The following EPB41L5 variants were observed in gnomAD, a reference collection of about 807,000 sequenced individuals.
EPB41L5 encodes the protein erythrocyte membrane protein band 4.1 like 5.
A neutral mutation model predicts 106.6 loss-of-function variants in EPB41L5; 55 were observed. The ratio of observed to expected loss-of-function variants is 0.52; its 90% confidence interval spans 0.42 to 0.65. The LOEUF is 0.65. Ranked by LOEUF, EPB41L5 falls within the 30% of genes least tolerant of loss-of-function variation. The pLI, the probability that EPB41L5 is intolerant of heterozygous loss-of-function variation, is 0.00. For synonymous variants in EPB41L5, 297 were observed against 306.7 expected (o/e 0.97, Z 0.33); for missense variants, 871 against 882.1 (o/e 0.99, Z 0.16).
intron 16 of EPB41L5, among the ~76,000 whole-genome samples, chr2:120,123,254 T>G (rs1161254261): frequency 6.6e-6 from 1 of 152,162 alleles, no homozygotes; most frequent in Non-Finnish European, 1.5e-5. Flanking sequence ...AAGTAGTGCA[T>G]CTGACTGTTG....
intron 18 of EPB41L5, among the ~76,000 whole-genome samples, chr2:120,132,366 C>T (rs1259415460): frequency 6.6e-6 from 1 of 151,848 alleles, no homozygotes; most frequent in African/African-American, 2.4e-5. Context: ...CCTTTTTTTT[C>T]CCTCTACATA....
chr2:120,018,194 C>T (rs1368289000), intron 1 of EPB41L5, among the ~76,000 whole-genome samples: 1 of 151,910 alleles, frequency 6.6e-6, no homozygotes, highest in Non-Finnish European at 1.5e-5. Context: ...GTCTCGATCT[C>T]CTGACCTCGT....
intron 3 of EPB41L5, among the ~76,000 whole-genome samples, chr2:120,055,145 G>A (rs1680561646): frequency 6.6e-6 from 1 of 152,066 alleles, no homozygotes; most frequent in Non-Finnish European, 1.5e-5. Context: ...TTATAGGCGT[G>A]AGCCACCATG....
chr2:120,110,818 T>C (rs1684694337), intron 16 of EPB41L5, among the ~76,000 whole-genome samples: 1 of 151,920 alleles, frequency 6.6e-6, no homozygotes, highest in Non-Finnish European at 1.5e-5. Context: ...TATTTTTTAG[T>C]AGAAACGGGG....
intron 22 of EPB41L5, among the ~76,000 whole-genome samples, chr2:120,165,416 C>T (rs566623452): frequency 2.6e-5 from 4 of 152,188 alleles, no homozygotes; most frequent in East Asian, 1.9e-4. Flanking sequence ...CTACACATAT[C>T]CTCTAGTATA....
intron 2 of EPB41L5, among the ~76,000 whole-genome samples, chr2:120,030,564 A>G (rs549092868): frequency 1.4e-4 from 22 of 152,150 alleles, no homozygotes; most frequent in African/African-American, 5.3e-4. Context: ...TCTTTATTTT[A>G]TTTTATTGAG....
At chr2:120,157,909 A>G (rs184918016) in intron 20 of EPB41L5, among the ~76,000 whole-genome samples, 5 of 152,272 alleles carry the variant, frequency 3.3e-5, no homozygotes, top group African/African-American at 1.2e-4. Context: ...AGAAACAACA[A>G]AGGGGATATT....
chr2:120,071,971 C>CT (rs1681901227), intron 3 of EPB41L5, among the ~76,000 whole-genome samples: 1 of 152,116 alleles, frequency 6.6e-6, no homozygotes, highest in South Asian at 2.1e-4. Flanking sequence ...GTAAAAGAAA[C>CT]TATCATCAGA....
intron 17 of EPB41L5, among the ~76,000 whole-genome samples, chr2:120,128,981 G>A (rs1212405148): frequency 6.6e-6 from 1 of 152,020 alleles, no homozygotes; most frequent in Non-Finnish European, 1.5e-5. Flanking sequence ...TTATATGTGG[G>A]AGCTACACAG....
chr2:120,165,880 A>G (rs974652605), intron 22 of EPB41L5, among the ~76,000 whole-genome samples: 3 of 142,920 alleles, frequency 2.1e-5, no homozygotes, highest in African/African-American at 7.7e-5. Context: ...AGGCAAGACA[A>G]TTGCTGGAAC....
chr2:120,070,369 C>T (rs1230111590), intron 3 of EPB41L5, among the ~76,000 whole-genome samples: 1 of 152,106 alleles, frequency 6.6e-6, no homozygotes, highest in South Asian at 2.1e-4. Context: ...AGCCCAGGAC[C>T]AGACAGATTC....
At position 120,127,692 on chromosome 2, in the gene EPB41L5, C is replaced by T; in HGVS notation, c.1342C>T (p.Pro448Ser). 6.3e-7 allele frequency: 1 copy of T among 1,593,582 alleles called. No homozygotes were observed. The highest frequency in any genetic ancestry group is 8.6e-7 in the Non-Finnish European group (1 of 1,167,322). Residue 448 changes from proline to serine, a missense_variant, in exon 17 of 25, where the codon CCT becomes TCT. Pro to Ser is a moderately conservative substitution (Grantham distance 74). Coordinates refer to ENST00000263713, the MANE Select transcript of EPB41L5 (RefSeq NM_020909.4). ...GTDQHDRKCIPLNIDLLNSPD... is the reference protein window; with the variant it reads ...GTDQHDRKCISLNIDLLNSPD... ...AATTTTCTATTTCCATTGCAGCATTCCTCTGAATATTGATTTGCTGAATAG... is the reference window on the plus strand; with the variant it reads ...AATTTTCTATTTCCATTGCAGCATTTCTCTGAATATTGATTTGCTGAATAG...
At chr2:120,138,812 C>T (rs1000037006) in intron 18 of EPB41L5, among the ~76,000 whole-genome samples, 18 of 151,432 alleles carry the variant, frequency 1.2e-4, no homozygotes, top group Non-Finnish European at 2.2e-4. Context: ...TGATATTCTT[C>T]AAAGAAATAG....
chr2:120,019,031 A>G, intron 1 of EPB41L5, 46 bp from the exon 2 acceptor site: 1 of 1,495,944 alleles, frequency 6.7e-7, no homozygotes, highest in Non-Finnish European at 9.1e-7. Context: ...GTTGTGGAGA[A>G]TCTCATTTTT....
chr2:120,137,294 G>T (rs1233417780), intron 18 of EPB41L5, among the ~76,000 whole-genome samples: 3 of 151,890 alleles, frequency 2.0e-5, no homozygotes, highest in African/African-American at 4.8e-5. Flanking sequence ...GCCTAATGAT[G>T]CATCTTAAGG....
chr2:120,034,774 A>G lies in EPB41L5; in HGVS notation c.181-7232A>G, dbSNP rs143471999. ...CAGCAACTTGGGAGACTGAGCCGAA[A>G]GGATTCCTTAAGACCTGGAGGTCAA... is the stretch of plus-strand genomic sequence containing the variant. On this transcript the variant is annotated intron_variant, in intron 2 of 24. Transcript: ENST00000263713. Among the ~76,000 whole-genome samples, 907 of 152,300 alleles carry G rather than the reference A, an allele frequency of 6.0e-3. 8 individuals are homozygous for G. Among genetic ancestry groups the G allele is most frequent in the African/African-American group, 0.021 (868 of 41,556 alleles).
intron 3 of EPB41L5, among the ~76,000 whole-genome samples, chr2:120,056,850 T>C (rs1006412253): frequency 6.6e-6 from 1 of 152,090 alleles, no homozygotes; most frequent in African/African-American, 2.4e-5. Context: ...GTGAGAAGTT[T>C]TTGATTATTG....
rs1683421416 is a variant in EPB41L5 at position 120,091,669 on chromosome 2, G to C, written c.1150+8G>C. 12 of 1,588,272 alleles carry C rather than the reference G, an allele frequency of 7.6e-6. No homozygotes were observed. The highest frequency in any genetic ancestry group is 9.5e-6 in the Non-Finnish European group (11 of 1,158,884). On this transcript the variant is annotated splice_region_variant and intron_variant, in intron 13 of 24. Coordinates refer to ENST00000263713, the MANE Select transcript of EPB41L5 (RefSeq NM_020909.4). ...GAACTCTACAAATGAAAGGTGAAGT[G>C]CAACCCTCTTTCAAAGGATTATTTT...
intron 11 of EPB41L5, among the ~76,000 whole-genome samples, chr2:120,088,193 T>C (rs1486901509): frequency 6.6e-6 from 1 of 152,204 alleles, no homozygotes; most frequent in Non-Finnish European, 1.5e-5. Flanking sequence ...CATTTTCCTC[T>C]GCTCAGTAAT....
Sources: allele counts gnomAD v4.1 joint callset (sites outside exome capture counted in the v4.1 genomes callset), GRCh38; gene constraint gnomAD v4.1.1; transcripts MANE v1.5; gene names NCBI Gene and HGNC (gene_info 2026-07-23, HGNC 2026-07-21).